NRG4: variants seen among roughly 807,000 people sequenced by gnomAD.
NRG4 encodes pro-neuregulin-4, membrane-bound isoform.
NRG4 carries 10 observed loss-of-function variants against 15.0 expected under a neutral mutation model. The ratio of observed to expected loss-of-function variants is 0.67; its 90% CI spans 0.41 to 1.13. NRG4 has a LOEUF of 1.13. NRG4 is among the 50% of genes most tolerant of loss of function. The probability of loss-of-function intolerance (pLI) is 0.00; values close to 1 mark genes in which losing one functional copy is unlikely to be tolerated. For synonymous variants in NRG4, 41 were observed against 50.1 expected, an observed-to-expected ratio of 0.82 and a Z score of 0.77; for missense variants, 139 against 140.2, an observed-to-expected ratio of 0.99 and a Z score of 0.04.
intron 3 of NRG4, among the ~76,000 whole-genome samples, chr15:76,001,659 T>C (rs1246895582): frequency 1.3e-5 from 2 of 152,230 alleles, no homozygotes; most frequent in Non-Finnish European, 2.9e-5. Flanking sequence ...GAGGTTAAAA[T>C]ACGCATTTGT....
intron 4 of NRG4, 146 bp from the exon 5 acceptor site, chr15:75,956,157 T>G: frequency 1.7e-6 from 1 of 583,700 alleles, no homozygotes; most frequent in South Asian, 2.0e-5. Context: ...CTTGACTATT[T>G]GATGGTTCAT....
chr15:75,976,146 T>G (rs2033355286), intron 3 of NRG4, among the ~76,000 whole-genome samples: 1 of 152,228 alleles, frequency 6.6e-6, no homozygotes. Context: ...TACCCGTGTA[T>G]GCTTTACGAA....
Position 75,975,385 on chromosome 15 carries a change from G to A in NRG4, c.105-13411C>T, listed in dbSNP as rs187133300. On this transcript the variant is annotated intron_variant, in intron 3 of 5. Coordinates refer to ENST00000394907, the MANE Select transcript of NRG4 (RefSeq NM_138573.4). The stretch of plus-strand genomic sequence containing the variant: ...TATTGTTATGTGTGGATTTGATCCT[G>A]TCATTATGATGTTAGCTGGTTATTT... 2.5e-3 allele frequency among the ~76,000 whole-genome samples: 380 copies of A among 152,244 alleles called. 3 individuals carry two copies. The highest frequency in any genetic ancestry group is 8.8e-3 in the African/African-American group (364 of 41,556).
chr15:75,944,764 T>TGG (rs1472321586), intron 5 of NRG4, among the ~76,000 whole-genome samples: 1 of 150,598 alleles, frequency 6.6e-6, no homozygotes, highest in African/African-American at 2.5e-5. Flanking sequence ...TTTGTGTGTG[T>TGG]GTGTGGGGGG....
At chr15:76,018,402 A>C (rs1471172351) in intron 5 of NRG4, among the ~76,000 whole-genome samples, 1 of 152,098 alleles carries the variant, frequency 6.6e-6, no homozygotes, top group African/African-American at 2.4e-5. Flanking sequence ...GGAGTAGAAG[A>C]GGCGTTCTGG....
At position 75,950,771 on chromosome 15, in the gene NRG4, C is replaced by G. The variant is rs77348924; in HGVS notation, c.331+5161G>C. The G allele has an allele frequency of 3.5e-3, 539 of 153,122 alleles. 5 individuals are homozygous for G. Among genetic ancestry groups the G allele is most frequent in the Non-Finnish European group, 4.9e-3 (336 of 68,096 alleles). The allele number at this position is 153,122 out of a possible 1,614,324, so 9.5% of individuals were successfully genotyped here. A position where few individuals can be genotyped will look rare whatever the true frequency, so the allele number is the denominator to read the frequency against. ...ACAGGAATGCCATGGAATAATTGCT[C>G]TATGGTTTCTTCTGCTTCTTTTTGT... On this transcript the variant is annotated intron_variant, in intron 5 of 5. Coordinates refer to ENST00000394907, the MANE Select transcript of NRG4 (RefSeq NM_138573.4).
intron 4 of NRG4, among the ~76,000 whole-genome samples, chr15:75,957,858 G>T (rs1451543765): frequency 1.3e-5 from 2 of 151,736 alleles, no homozygotes; most frequent in African/African-American, 4.8e-5. Context: ...TTATTTTATT[G>T]TGTTTAATCT....
chr15:76,053,280 A>G (rs1187307853), intron 2 of NRG4: 1 of 150,956 alleles, frequency 6.6e-6, no homozygotes. Context: ...AAGTCTCTGA[A>G]TCACACTGCC....
intron 4 of NRG4, among the ~76,000 whole-genome samples, chr15:76,047,992 A>G (rs2035913140): frequency 1.3e-5 from 2 of 149,082 alleles, no homozygotes; most frequent in East Asian, 2.0e-4. Flanking sequence ...CATGTGTCCA[A>G]AAAAAATGTT....
At chr15:75,987,489 C>A (rs74801880) in intron 3 of NRG4, among the ~76,000 whole-genome samples, 9,074 of 147,890 alleles carry the variant, frequency 0.061, 599 homozygotes, top group African/African-American at 0.18. Context: ...TTTTGGGGGT[C>A]ATGAGGGTCA....
intron 5 of NRG4, among the ~76,000 whole-genome samples, chr15:75,953,360 T>C (rs1394268812): frequency 6.6e-6 from 1 of 152,200 alleles, no homozygotes; most frequent in African/African-American, 2.4e-5. Context: ...CTCTCAATTG[T>C]ATTCCATTCA....
intron 2 of NRG4, among the ~76,000 whole-genome samples, chr15:76,010,165 A>C (rs1019548232): frequency 2.6e-5 from 4 of 152,144 alleles, no homozygotes; most frequent in Admixed American, 6.5e-5. Context: ...AGAATAACAG[A>C]AGGATTCATT....
chr15:76,056,806 A>G (rs1428450798), intron 2 of NRG4: 4 of 152,238 alleles, frequency 2.6e-5, no homozygotes, highest in Non-Finnish European at 4.4e-5. Context: ...TCTGCTACCA[A>G]TCTTTTTCAG....
chr15:76,025,846 C>G lies in NRG4; in HGVS notation c.-57+10098G>C, dbSNP rs532556798. ...AAGCCAAAATCGCATCACTGCACTCCAGCCTGAGTGACAGAGTGAGACTTT... is the reference window on the plus strand; with the variant it reads ...AAGCCAAAATCGCATCACTGCACTCGAGCCTGAGTGACAGAGTGAGACTTT... On this transcript the variant is annotated intron_variant, in intron 5 of 8. Coordinates refer to the NRG4 transcript ENST00000563910. Among the ~76,000 whole-genome samples, 261 of 151,962 alleles carry G rather than the reference C, an allele frequency of 1.7e-3. 5 individuals are homozygous for G. The highest frequency in any genetic ancestry group is 5.7e-3 in the African/African-American group (236 of 41,412).
chr15:75,946,143 C>CCCG (rs1324743439), intron 5 of NRG4, among the ~76,000 whole-genome samples: 1 of 152,036 alleles, frequency 6.6e-6, no homozygotes, highest in Non-Finnish European at 1.5e-5. Context: ...TGATTCACAT[C>CCCG]CTGAGTAGGT....
At chr15:76,032,863 G>T (rs966446483) in intron 5 of NRG4, among the ~76,000 whole-genome samples, 1 of 152,224 alleles carries the variant, frequency 6.6e-6, no homozygotes, top group Non-Finnish European at 1.5e-5. Context: ...ATATAAGGCA[G>T]TTAGAGTAAA....
intron 4 of NRG4, among the ~76,000 whole-genome samples, chr15:76,040,863 T>C (rs1258580305): frequency 6.6e-6 from 1 of 152,182 alleles, no homozygotes; most frequent in Non-Finnish European, 1.5e-5. Context: ...AGGCAGAGGT[T>C]GAAGTGAGCT....
At chr15:76,026,566 GACAA>G (rs1249958799) in intron 5 of NRG4, among the ~76,000 whole-genome samples, 1 of 152,134 alleles carries the variant, frequency 6.6e-6, no homozygotes, top group Non-Finnish European at 1.5e-5. Context: ...GAAGGGAAAA[GACAA>G]TTACTACACT....
chr15:75,964,952 G>A (rs919604218), intron 3 of NRG4, among the ~76,000 whole-genome samples: 2 of 151,770 alleles, frequency 1.3e-5, no homozygotes, highest in African/African-American at 4.8e-5. Context: ...GAGGCCGGAC[G>A]CAGTGCCTCC....
Sources: allele counts gnomAD v4.1 joint callset (sites outside exome capture counted in the v4.1 genomes callset), GRCh38; gene constraint gnomAD v4.1.1; transcripts MANE v1.5; gene names NCBI Gene and HGNC (gene_info 2026-07-23, HGNC 2026-07-21).